The following DACH2 variants were observed in gnomAD, a reference collection of about 807,000 sequenced individuals.
DACH2 encodes dachshund family transcription factor 2, also known as dachshund homolog 2.
A neutral mutation model predicts 35.8 loss-of-function variants in DACH2; 17 were observed. That is an observed-to-expected ratio of 0.48 (90% CI 0.33 to 0.71). DACH2 has a LOEUF of 0.71. DACH2 is among the 30% of genes least tolerant of loss of function. DACH2 has a pLI of 0.02. For missense variants in DACH2, 469 were observed against 472.7 expected (o/e 0.99, Z 0.07); for synonymous variants, 195 against 177.3 (o/e 1.10, Z -0.79).
intron 3 of DACH2, among the ~76,000 whole-genome samples, chrX:86,547,592 A>G (rs370492973): frequency 3.0e-4 from 33 of 109,590 alleles, no homozygotes; most frequent in East Asian, 2.6e-3. Context: ...AGTGAAACAC[A>G]TTATAGAAAT....
intron 1 of DACH2, among the ~76,000 whole-genome samples, chrX:86,291,116 G>T (rs1428570231): frequency 9.6e-6 from 1 of 104,600 alleles, no homozygotes; most frequent in Non-Finnish European, 2.0e-5. Flanking sequence ...GTGGTTTGTA[G>T]TTCTCCTTGA....
intron 1 of DACH2, among the ~76,000 whole-genome samples, chrX:86,292,233 C>T (rs1295292429): frequency 1.1e-5 from 1 of 92,450 alleles, no homozygotes; most frequent in Non-Finnish European, 2.1e-5. Context: ...GTAGTATTCT[C>T]TGATGGTAGT....
In DACH2 at chrX:86,811,631, G is replaced by A. The variant is rs373234573; in HGVS notation, c.1241-1225G>A. On this transcript the variant is annotated intron_variant, in intron 7 of 11. Coordinates refer to ENST00000373125, the MANE Select transcript of DACH2 (RefSeq NM_053281.3). ...AGTGAGCAGCATAACTGTTTGAGGT[G>A]CTATGATTCACCCCATCATGCACTG... 2.5e-4 allele frequency among the ~76,000 whole-genome samples: 28 copies of A among 111,603 alleles called. No individual in the cohort carries two copies. The East Asian group carries it at 6.0e-3, about 24-fold the overall frequency.
intron 11 of DACH2, among the ~76,000 whole-genome samples, chrX:86,825,946 C>G (rs1199801845): frequency 8.9e-6 from 1 of 111,829 alleles, no homozygotes; most frequent in Non-Finnish European, 1.9e-5. Context: ...TAATACTTGC[C>G]TATTCTTCCT....
rs774327362 is a variant in DACH2 at position 86,400,165 on chromosome X, G to A, written c.527+23303G>A. Among the ~76,000 whole-genome samples, 29 of 111,520 alleles carry A rather than the reference G, an allele frequency of 2.6e-4. No homozygotes were observed. The East Asian group carries it at 4.8e-3, about 18-fold the overall frequency. On this transcript the variant is annotated intron_variant, in intron 2 of 11. Transcript: ENST00000373125. ...ATCACTGATACCCTTTCTTCCAGTTGATCGCATCGGCTACTGAGGCTTGTG... is the reference window on the plus strand; with the variant it reads ...ATCACTGATACCCTTTCTTCCAGTTAATCGCATCGGCTACTGAGGCTTGTG...
intron 1 of DACH2, chrX:86,160,136 A>C (rs2030699510): frequency 3.2e-6 from 2 of 621,558 alleles, no homozygotes; most frequent in South Asian, 8.9e-5. Flanking sequence ...CCAGTCTTTT[A>C]CTATTAAACT....
chrX:86,432,502 A>G (rs73631942), intron 2 of DACH2, among the ~76,000 whole-genome samples: 1,278 of 112,084 alleles, frequency 0.011, 18 homozygotes, highest in African/African-American at 0.039. Flanking sequence ...AACAATAGGA[A>G]GGACCAGAAA....
intron 3 of DACH2, among the ~76,000 whole-genome samples, chrX:86,633,783 G>A (rs1368943959): frequency 8.9e-6 from 1 of 111,858 alleles, no homozygotes; most frequent in African/African-American, 3.3e-5. Flanking sequence ...CCATGACCAA[G>A]TGGTTTTTAC....
At chrX:86,440,506 A>G (rs2037142581) in intron 2 of DACH2, among the ~76,000 whole-genome samples, 2 of 111,578 alleles carry the variant, frequency 1.8e-5, no homozygotes, top group African/African-American at 3.3e-5. Context: ...ATACATATTT[A>G]TATTTAAAAT....
At chrX:86,567,749 A>G (rs914366667) in intron 3 of DACH2, among the ~76,000 whole-genome samples, 1 of 111,204 alleles carries the variant, frequency 9.0e-6, no homozygotes, top group Non-Finnish European at 1.9e-5. Flanking sequence ...ATTTATTGTT[A>G]AACTGTAGGG....
chrX:86,269,872 T>C (rs765597167), intron 1 of DACH2, among the ~76,000 whole-genome samples: 184 of 109,368 alleles, frequency 1.7e-3, no homozygotes, highest in Non-Finnish European at 2.7e-3. Flanking sequence ...TCACTATTAT[T>C]GTCAACAAGG....
intron 2 of DACH2, among the ~76,000 whole-genome samples, chrX:86,411,166 C>T (rs1302683004): frequency 1.9e-5 from 2 of 104,433 alleles, no homozygotes; most frequent in Non-Finnish European, 2.0e-5. Flanking sequence ...ACTTGGAGTC[C>T]GATGTTCGAG....
At chrX:86,685,062 T>G (rs138459803) in intron 4 of DACH2, among the ~76,000 whole-genome samples, 1,313 of 111,969 alleles carry the variant, frequency 0.012, 14 homozygotes, top group Middle Eastern at 0.023. Context: ...TTTTACTTCT[T>G]AATGAAGGTG....
intron 2 of DACH2, among the ~76,000 whole-genome samples, chrX:86,444,761 T>C (rs1418687122): frequency 9.0e-6 from 1 of 111,431 alleles, no homozygotes; most frequent in Non-Finnish European, 1.9e-5. Flanking sequence ...TGTGCTCTTT[T>C]ATTTTTTATT....
rs760559118 is a variant in DACH2, at chrX:86,286,289, G to A, written c.489-90535G>A. Among the ~76,000 whole-genome samples the A allele has an allele frequency of 6.5e-5, 7 of 107,886 alleles. No individual in the cohort carries two copies. The South Asian group carries it at 2.1e-3, about 33-fold the overall frequency. The allele number at this position is 107,886 out of a possible 115,157, so 93.7% of individuals were successfully genotyped here. On this transcript the variant is annotated intron_variant, in intron 1 of 11. Transcript: ENST00000373125. Reference sequence around the variant, plus strand: ...ACTACAGGCGCCCGCCACCGCGCCCGGCTAATTTTTTGTATTTTTTTTAGT... The same window carrying A: ...ACTACAGGCGCCCGCCACCGCGCCCAGCTAATTTTTTGTATTTTTTTTAGT...
chrX:86,610,363 C>CTCTTTCTTTCTTTTTCTTTCTT (rs2039917131), intron 3 of DACH2, among the ~76,000 whole-genome samples: 18 of 70,096 alleles, frequency 2.6e-4, no homozygotes, highest in South Asian at 1.1e-3. Context: ...TCCTTCCTTC[C>CTCTTTCTTTCTTTTTCTTTCTT]TCTTTCTTTC....
At position 86,297,809 on chromosome X, in the gene DACH2, A is replaced by C. The variant is rs2034497721; in HGVS notation, c.489-79015A>C. ...TATATATAGTCAATGGGATATTAAT[A>C]GGGAAATCGTGTACTTTATTTTCCA... On this transcript the variant is annotated intron_variant, in intron 1 of 11. Transcript: ENST00000373125. 2.7e-5 allele frequency among the ~76,000 whole-genome samples: 3 copies of C among 112,334 alleles called. No individual in the cohort carries two copies. The Admixed American group carries it at 2.8e-4, about 11-fold the overall frequency.
At chrX:86,713,975 G>A (rs1410028713) in intron 5 of DACH2, among the ~76,000 whole-genome samples, 2 of 111,490 alleles carry the variant, frequency 1.8e-5, no homozygotes, top group Non-Finnish European at 3.8e-5. Context: ...TGATAGGGGA[G>A]TTATTATTTA....
intron 1 of DACH2, among the ~76,000 whole-genome samples, chrX:86,270,152 A>C (rs1406558131): frequency 1.9e-5 from 2 of 107,327 alleles, no homozygotes; most frequent in Non-Finnish European, 3.8e-5. Flanking sequence ...GATTGTAGAA[A>C]TCCACATTTC....
Sources: gnomAD v4.1 joint callset for allele counts (sites outside exome capture counted in the v4.1 genomes callset) on GRCh38, gnomAD v4.1.1 for gene constraint, MANE v1.5 for transcripts, NCBI Gene and HGNC (gene_info 2026-07-23, HGNC 2026-07-21) for gene names.